Variants in GPHN observed in about 807,000 individuals in gnomAD.
The protein encoded by GPHN is gephyrin.
In GPHN, 17 loss-of-function variants were observed where a neutral mutation model predicts 95.5. The ratio of observed to expected loss-of-function variants is 0.18; its 90% CI spans 0.12 to 0.27. The LOEUF (loss-of-function observed/expected upper bound fraction) is 0.27, where lower values mean the gene tolerates loss of function less well. GPHN is among the 10% of genes least tolerant of loss of function. GPHN has a pLI of 1.00. For synonymous variants in GPHN, 320 were observed against 322.5 expected (o/e 0.99, Z 0.08); for missense variants, 660 against 978.1 (o/e 0.67, Z 4.34).
At chr14:67,199,588 T>C in the GPHN span, 160 of 1,595,106 alleles carry the variant, frequency 1.0e-4, 1 homozygote, top group Admixed American at 2.6e-3. Flanking sequence ...CCGTATCTTA[T>C]GCCTTCGAGA....
At chr14:67,017,747 T>G (rs938855555) in intron 9 of GPHN, among the ~76,000 whole-genome samples, 2 of 152,128 alleles carry the variant, frequency 1.3e-5, no homozygotes, top group African/African-American at 4.8e-5. Context: ...TATTAATTTC[T>G]AAATTCTTGA....
At chr14:67,350,699 G>T in the GPHN span, 1 of 1,612,024 alleles carries the variant, frequency 6.2e-7, no homozygotes, top group Admixed American at 1.7e-5. Context: ...GTCTGGAAAA[G>T]CATAAACCAA....
chr14:66,802,299 C>T (rs2060384438), intron 3 of GPHN, among the ~76,000 whole-genome samples: 1 of 152,120 alleles, frequency 6.6e-6, no homozygotes. Context: ...TTCCTTAAGG[C>T]CCAAAGGCTC....
the GPHN span, among the ~76,000 whole-genome samples, chr14:67,667,838 G>A: frequency 6.6e-6 from 1 of 152,100 alleles, no homozygotes. Flanking sequence ...CAGCTACTCG[G>A]GAGGCTGAGG....
At chr14:67,070,723 T>G (rs1449879193) in intron 11 of GPHN, among the ~76,000 whole-genome samples, 1 of 111,014 alleles carries the variant, frequency 9.0e-6, no homozygotes, top group Non-Finnish European at 1.6e-5. Context: ...AAAATATATA[T>G]ATATATCCAA....
intron 11 of GPHN, among the ~76,000 whole-genome samples, chr14:67,088,296 T>C (rs1462418151): frequency 6.6e-6 from 1 of 152,162 alleles, no homozygotes; most frequent in Non-Finnish European, 1.5e-5. Context: ...TCTGAAGTAA[T>C]AAATGCTTTA....
chr14:66,755,575 T>C (rs2058527241), intron 2 of GPHN, among the ~76,000 whole-genome samples: 1 of 152,162 alleles, frequency 6.6e-6, no homozygotes, highest in African/African-American at 2.4e-5. Flanking sequence ...TTTTTTCAGG[T>C]ACCTTTCTTT....
chr14:67,087,223 A>G (rs1003854795), intron 11 of GPHN, among the ~76,000 whole-genome samples: 8 of 152,064 alleles, frequency 5.3e-5, no homozygotes, highest in African/African-American at 1.9e-4. Flanking sequence ...ATAATTAACC[A>G]CTATTAGTGC....
intron 1 of GPHN, among the ~76,000 whole-genome samples, chr14:66,570,295 C>CTTT (rs535461102): frequency 1.9e-4 from 19 of 100,094 alleles, no homozygotes; most frequent in Non-Finnish European, 3.1e-4. Flanking sequence ...ATTTCATGTA[C>CTTT]TTTTTTTTTT....
At chr14:66,510,862 A>G (rs1039266070) in intron 1 of GPHN, among the ~76,000 whole-genome samples, 1 of 152,166 alleles carries the variant, frequency 6.6e-6, no homozygotes, top group Non-Finnish European at 1.5e-5. Context: ...TAACATTGAC[A>G]GTGGAATTAA....
the GPHN span, among the ~76,000 whole-genome samples, chr14:67,723,107 A>G: frequency 1.3e-5 from 2 of 152,222 alleles, no homozygotes; most frequent in African/African-American, 4.8e-5. Context: ...CATGCTGTTA[A>G]GTACCAGGTA....
chr14:67,292,565 C>G, the GPHN span: 35 of 1,613,256 alleles, frequency 2.2e-5, no homozygotes, highest in African/African-American at 4.4e-4. Flanking sequence ...TTGGTAGATT[C>G]TCAGAGCCAG....
At chr14:67,513,931 C>G in the GPHN span, among the ~76,000 whole-genome samples, 1 of 152,156 alleles carries the variant, frequency 6.6e-6, no homozygotes, top group Non-Finnish European at 1.5e-5. Context: ...CATTTGTTTT[C>G]TAGAGAGAAA....
At chr14:67,255,361 C>G in the GPHN span, among the ~76,000 whole-genome samples, 1 of 152,094 alleles carries the variant, frequency 6.6e-6, no homozygotes, top group Non-Finnish European at 1.5e-5. Flanking sequence ...TAAATGTAAT[C>G]AGAATCATGA....
intron 2 of GPHN, chr14:66,760,687 C>A: frequency 6.9e-6 from 3 of 436,200 alleles, no homozygotes; most frequent in South Asian, 1.8e-5. Flanking sequence ...TTAGGTGAAC[C>A]AAAGCATTCC....
the GPHN span, among the ~76,000 whole-genome samples, chr14:67,238,269 C>CTT: frequency 3.1e-4 from 39 of 125,222 alleles, no homozygotes; most frequent in South Asian, 5.3e-4. Flanking sequence ...TTCTTGCTTT[C>CTT]TTTTTTTTTT....
intron 9 of GPHN, among the ~76,000 whole-genome samples, chr14:67,021,168 AT>A (rs2073606540): frequency 2.0e-5 from 3 of 152,128 alleles, no homozygotes; most frequent in African/African-American, 7.2e-5. Context: ...AATAAACAAC[AT>A]TTTTAAATTT....
At chr14:66,892,605 C>A (rs1340512772) in intron 5 of GPHN, among the ~76,000 whole-genome samples, 11 of 152,146 alleles carry the variant, frequency 7.2e-5, no homozygotes, top group Admixed American at 1.3e-4. Context: ...TTAATTCTAA[C>A]ACTTGCTACA....
chr14:66,898,491 AG>A (rs2064975717), intron 5 of GPHN, among the ~76,000 whole-genome samples: 1 of 147,972 alleles, frequency 6.8e-6, no homozygotes, highest in Non-Finnish European at 1.5e-5. Flanking sequence ...AAAAAAAAAA[AG>A]CTACCTTTCC....
Sources: gnomAD v4.1 joint callset for allele counts (sites outside exome capture counted in the v4.1 genomes callset) on GRCh38, gnomAD v4.1.1 for gene constraint, MANE v1.5 for transcripts, NCBI Gene and HGNC (gene_info 2026-07-23, HGNC 2026-07-21) for gene names.